The following ZNF222 variants were observed in gnomAD, a reference collection of about 807,000 sequenced individuals.
ZNF222 encodes zinc finger protein 222.
ZNF222 carries 8 observed loss-of-function variants against 11.6 expected under a neutral mutation model. That is an observed-to-expected ratio of 0.69 (90% confidence interval 0.41 to 1.25). The LOEUF is 1.25. ZNF222 is among the 50% of genes most tolerant of loss of function. The pLI, the probability that ZNF222 is intolerant of heterozygous loss-of-function variation, is 0.01. For synonymous variants in ZNF222, 171 were observed against 195.6 expected (o/e 0.87, Z 1.05); for missense variants, 483 against 576.1 (o/e 0.84, Z 1.65).
chr19:44,026,994 A>G, intron 1 of ZNF222, 29 bp from the exon 2 acceptor site: 5 of 1,613,532 alleles, frequency 3.1e-6, no homozygotes, highest in Non-Finnish European at 4.2e-6. Flanking sequence ...TGGCCGTAAG[A>G]TTGAGGTGAC....
Position 44,029,683 on chromosome 19 carries a change from A to C in ZNF222, c.263-2134A>C, listed in dbSNP as rs539110411. Among the ~76,000 whole-genome samples, 4 of 152,358 alleles carry C rather than the reference A, an allele frequency of 2.6e-5. No individual in the cohort carries two copies. In the East Asian group the frequency reaches 7.7e-4, roughly 29 times the overall value. On this transcript the variant is annotated intron_variant, in intron 3 of 3. Coordinates refer to ENST00000391960, the MANE Select transcript of ZNF222 (RefSeq NM_001129996.2). ...TAAAGACTTATTTATACGTGACAGC[A>C]TATTAAATATATCCATGTACTACTG...
chr19:44,026,220 C>A, intron 1 of ZNF222: 1 of 859,398 alleles, frequency 1.2e-6, no homozygotes, highest in Non-Finnish European at 1.9e-6. Flanking sequence ...GTACTTTATA[C>A]CCCAAAATAC....
Position 44,032,920 on chromosome 19 carries a change from CAA to C in ZNF222, c.1368_1369del (p.Asp458ProfsTer10), listed in dbSNP as rs1232588760. 1 of 1,612,704 alleles carries C rather than the reference CAA, an allele frequency of 6.2e-7. No individual in the cohort carries two copies. The highest frequency in any genetic ancestry group is 8.5e-7 in the Non-Finnish European group (1 of 1,179,738). On this transcript the variant is annotated frameshift_variant, in exon 4 of 4. Transcript: ENST00000391960. LOFTEE classifies it low-confidence loss of function (END_TRUNC). ...ATGCCGGTCATACTGTAAAGACCAACAAAGAGACCACAGTGGAGAAAACCCAT... is the reference window on the plus strand; with the variant it reads ...ATGCCGGTCATACTGTAAAGACCAACAGAGACCACAGTGGAGAAAACCCAT... ...LVCRSYCKDQ[Q>X]RDHSGENPSK...
rs192346251 is a variant in ZNF222, at chr19:44,028,236, G to A, written c.262+746G>A. 3.8e-4 allele frequency: 152 copies of A among 398,778 alleles called. 1 individual carries two copies. In the East Asian group the frequency reaches 5.1e-3, roughly 13 times the overall value. 24.7% of individuals were successfully genotyped at this position (398,778 alleles called of 1,614,324 possible). ...CTTGTGATAGTATTCATCACTCCTG[G>A]ATGATTCAGGATGACCCTCCCACTT... On this transcript the variant is annotated intron_variant, in intron 3 of 3. Transcript: ENST00000391960.
intron 1 of ZNF222, among the ~76,000 whole-genome samples, chr19:44,026,614 C>A (rs1403635747): frequency 6.7e-6 from 1 of 148,680 alleles, no homozygotes; most frequent in Non-Finnish European, 1.5e-5. Flanking sequence ...GTGGTGCAAT[C>A]TTGGCTCACT....
At chr19:44,029,321 G>T (rs1028638887) in intron 3 of ZNF222, among the ~76,000 whole-genome samples, 1 of 149,384 alleles carries the variant, frequency 6.7e-6, no homozygotes. Flanking sequence ...TTTCAAGCAT[G>T]GTTTTCATGA....
chr19:44,029,181 G>GTTTTTTT (rs142571594), intron 3 of ZNF222, among the ~76,000 whole-genome samples: 6 of 113,708 alleles, frequency 5.3e-5, no homozygotes, highest in African/African-American at 1.6e-4. Context: ...TTGTTGGTTT[G>GTTTTTTT]TTTTGTTTTG....
chr19:44,026,155 C>T, intron 1 of ZNF222: 1 of 1,513,806 alleles, frequency 6.6e-7, no homozygotes, highest in South Asian at 1.1e-5. Context: ...TAGGATTTGT[C>T]CCTCGGGCAT....
At position 44,025,395 on chromosome 19, in the gene ZNF222, C is replaced by G. The variant is rs1391698470; in HGVS notation, c.-42C>G. On this transcript the variant is annotated 5_prime_UTR_variant, in exon 1 of 4. Coordinates refer to ENST00000391960, the MANE Select transcript of ZNF222 (RefSeq NM_001129996.2). This position sits in a 1 kb window ranked among gnomAD's most constrained non-coding sequence, Gnocchi z 4.6. ...GAGTCATTTCCACATCTTGCGAGTC[C>G]TTCCGAACGAGTCTCCTTTCCTTGG... is the stretch of plus-strand genomic sequence containing the variant. 4 of 1,550,156 alleles carry G rather than the reference C, an allele frequency of 2.6e-6. No homozygotes were observed. The highest frequency in any genetic ancestry group is 3.5e-6 in the Non-Finnish European group (4 of 1,145,620).
At chr19:44,031,656 T>C (rs1976502008) in intron 3 of ZNF222, among the ~76,000 whole-genome samples, 161 bp from the exon 4 acceptor site, 1 of 152,048 alleles carries the variant, frequency 6.6e-6, no homozygotes. Context: ...CTAATTTTTG[T>C]GTTTTTAGTA....
intron 3 of ZNF222, chr19:44,030,899 T>TG (rs1976489978): frequency 6.6e-6 from 1 of 152,022 alleles, no homozygotes; most frequent in Non-Finnish European, 1.5e-5. Flanking sequence ...CCCAAAGGAG[T>TG]GGCCAGTCAC....
intron 3 of ZNF222, among the ~76,000 whole-genome samples, chr19:44,029,030 G>A (rs1976437500): frequency 6.6e-6 from 1 of 152,072 alleles, no homozygotes. Flanking sequence ...TCAATGTATA[G>A]GACTCAATGT....
intron 3 of ZNF222, among the ~76,000 whole-genome samples, chr19:44,029,035 CAATGT>C (rs963750386): frequency 5.3e-5 from 8 of 152,096 alleles, no homozygotes; most frequent in African/African-American, 1.9e-4. Context: ...GTATAGGACT[CAATGT>C]GAGAAATTCA....
chr19:44,028,153 C>T (rs2147444196), intron 3 of ZNF222: 1 of 399,540 alleles, frequency 2.5e-6, no homozygotes, highest in Non-Finnish European at 4.4e-6. Context: ...ACCATTCTTC[C>T]ATAGTCATGC....
rs1976394482 is a variant in ZNF222, at chr19:44,027,131, A to C, written c.151A>C (p.Arg51=). ...CCGAGATGTGATGCTTGAGAACTTC[A>C]GGAACCTGCTCTCAGTGGGTGAGGA... ...LYRDVMLENF[R]NLLSVGHQPF... Residue 51 remains arginine (R), a synonymous_variant, in exon 2 of 4, where the codon AGG becomes CGG. Transcript: ENST00000391960. The C allele has an allele frequency of 6.2e-7, 1 of 1,613,924 alleles. No individual in the cohort carries two copies. Among genetic ancestry groups the C allele is most frequent in the African/African-American group, 1.3e-5 (1 of 74,892 alleles).
intron 3 of ZNF222, among the ~76,000 whole-genome samples, chr19:44,029,234 T>C (rs1976450763): frequency 7.1e-6 from 1 of 139,990 alleles, no homozygotes. Context: ...GGGCTGCTTA[T>C]CCAATTTTGA....
chr19:44,029,028 T>G (rs895048249), intron 3 of ZNF222, among the ~76,000 whole-genome samples: 26 of 152,190 alleles, frequency 1.7e-4, no homozygotes, highest in Non-Finnish European at 3.4e-4. Flanking sequence ...ATTCAATGTA[T>G]AGGACTCAAT....
chr19:44,031,968 C>G lies in ZNF222; in HGVS notation c.414C>G (p.Asp138Glu). 2 of 1,614,214 alleles carry G rather than the reference C, an allele frequency of 1.2e-6. No homozygotes were observed. The highest frequency in any genetic ancestry group is 1.7e-6 in the Non-Finnish European group (2 of 1,180,038). ...ACTCTCAGTTATTTGAACAAGATGACAACCCCTCCCAGATTAAAGCAAGAC... is the reference window on the plus strand; with the variant it reads ...ACTCTCAGTTATTTGAACAAGATGAGAACCCCTCCCAGATTAAAGCAAGAC... Reference protein sequence around the residue: ...ISNSQLFEQDDNPSQIKARLS... With the variant: ...ISNSQLFEQDENPSQIKARLS... The change falls in exon 4 of 4, where the codon GAC (aspartate) becomes GAG (glutamate). Residue 138 changes from aspartate (D) to glutamate (E), a missense_variant. By Grantham distance (45) the Asp-to-Glu change is conservative. Transcript: ENST00000391960.
Position 44,027,498 on chromosome 19 carries a change from C to T in ZNF222, c.262+8C>T, listed in dbSNP as rs1157708918. 9.9e-6 allele frequency: 16 copies of T among 1,611,776 alleles called. No individual in the cohort carries two copies. The highest frequency in any genetic ancestry group is 1.4e-5 in the Non-Finnish European group (16 of 1,178,122). On this transcript the variant is annotated splice_region_variant and intron_variant, in intron 3 of 3. Transcript: ENST00000391960. ...AAAGAGAAGGGAATTTGGGTAAGAA[C>T]CAAGCAATTGTGTGTCCCTGCATGT... is the stretch of plus-strand genomic sequence containing the variant.
Sources: gnomAD v4.1 joint callset for allele counts (sites outside exome capture counted in the v4.1 genomes callset) on GRCh38, gnomAD v4.1.1 for gene constraint, Gnocchi (gnomAD v3.1) non-coding constraint, MANE v1.5 for transcripts, NCBI Gene and HGNC (gene_info 2026-07-23, HGNC 2026-07-21) for gene names.